Variants in PDE4D observed in about 807,000 individuals in gnomAD.
The protein encoded by PDE4D is phosphodiesterase 4D.
Under a neutral mutation model 87.4 loss-of-function variants are expected in PDE4D, and 24 were observed. The observed-to-expected ratio is 0.27, with a 90% CI of 0.20 to 0.39. The LOEUF is 0.39. Among genes scored for constraint, PDE4D ranks in the 10% least tolerant of loss-of-function variants. The probability of loss-of-function intolerance (pLI) is 1.00; values close to 1 mark genes in which losing one functional copy is unlikely to be tolerated. For synonymous variants in PDE4D, 384 were observed against 383.2 expected (o/e 1.00, Z -0.02); for missense variants, 714 against 1,041.0 (o/e 0.69, Z 4.32).
chr5:59,684,546 G>A (rs1024554586), intron 1 of PDE4D, among the ~76,000 whole-genome samples: 10 of 152,182 alleles, frequency 6.6e-5, no homozygotes, highest in African/African-American at 7.2e-5. Context: ...TGGGCATGAA[G>A]AATGAGTAAG....
chr5:59,609,857 C>T lies in PDE4D; in HGVS notation c.455+283311G>A, dbSNP rs535255047. Among the ~76,000 whole-genome samples, 8 of 152,230 alleles carry T rather than the reference C, an allele frequency of 5.3e-5. No homozygotes were observed. The South Asian group carries it at 8.3e-4, about 16-fold the overall frequency. On this transcript the variant is annotated intron_variant, in intron 1 of 14. Transcript: ENST00000340635. ...GTTCTTGGCAGATTGTGGTGACTGG[C>T]ATATGAACTCTCCTAATCATATCCC...
intron 5 of PDE4D, among the ~76,000 whole-genome samples, chr5:59,149,682 T>C (rs1381660247): frequency 6.7e-6 from 1 of 149,358 alleles, no homozygotes; most frequent in Non-Finnish European, 1.5e-5. Flanking sequence ...TAGAGTAACT[T>C]TGCCTTTCTC....
intron 6 of PDE4D, among the ~76,000 whole-genome samples, chr5:59,001,156 T>A (rs1288867614): frequency 6.6e-6 from 1 of 152,208 alleles, no homozygotes; most frequent in East Asian, 1.9e-4. Context: ...TGGTGTAGTA[T>A]TACCCTGTAA....
chr5:59,284,980 C>T (rs1297362139), intron 1 of PDE4D, among the ~76,000 whole-genome samples: 15 of 83,078 alleles, frequency 1.8e-4, no homozygotes, highest in African/African-American at 7.2e-4. Flanking sequence ...CCAAACACCG[C>T]ATATTCTCAC....
chr5:60,256,913 G>A (rs186640545), intron 1 of PDE4D, among the ~76,000 whole-genome samples: 344 of 151,604 alleles, frequency 2.3e-3, no homozygotes, highest in Non-Finnish European at 3.3e-3. Context: ...TTTCACATAC[G>A]TATATCTACA....
At chr5:60,324,075 C>G (rs2149848025) in intron 1 of PDE4D, among the ~76,000 whole-genome samples, 1 of 152,234 alleles carries the variant, frequency 6.6e-6, no homozygotes, top group East Asian at 1.9e-4. Context: ...TAAATAAGCT[C>G]TATAAGGGCA....
chr5:59,239,579 G>A (rs1166995813), intron 1 of PDE4D, among the ~76,000 whole-genome samples: 4 of 152,046 alleles, frequency 2.6e-5, no homozygotes, highest in African/African-American at 4.8e-5. Flanking sequence ...TTACTATGCC[G>A]GATAAAGCAA....
chr5:60,093,183 C>T (rs1018606799), intron 2 of PDE4D, among the ~76,000 whole-genome samples: 3 of 152,204 alleles, frequency 2.0e-5, no homozygotes, highest in Non-Finnish European at 4.4e-5. Context: ...ATGCATGAAG[C>T]ACATATTCTG....
chr5:59,553,680 G>T (rs1818463715), intron 1 of PDE4D, among the ~76,000 whole-genome samples: 1 of 152,058 alleles, frequency 6.6e-6, no homozygotes, highest in African/African-American at 2.4e-5. Context: ...TAAAATGAAT[G>T]CTTGGTGAGA....
At chr5:59,711,071 T>G (rs961454109) in intron 1 of PDE4D, among the ~76,000 whole-genome samples, 2 of 152,154 alleles carry the variant, frequency 1.3e-5, no homozygotes, top group Non-Finnish European at 2.9e-5. Flanking sequence ...TCTTCTCTAA[T>G]AGGACCTGCA....
At chr5:59,639,474 T>C (rs1741170017) in intron 1 of PDE4D, among the ~76,000 whole-genome samples, 1 of 151,916 alleles carries the variant, frequency 6.6e-6, no homozygotes, top group Non-Finnish European at 1.5e-5. Context: ...GAAGTGCAGA[T>C]GAGGGAGAGC....
intron 3 of PDE4D, among the ~76,000 whole-genome samples, chr5:59,905,557 A>G (rs1752723544): frequency 6.6e-6 from 1 of 152,036 alleles, no homozygotes; most frequent in African/African-American, 2.4e-5. Context: ...CAGCTCCAAG[A>G]CTTTCTAGAT....
chr5:59,290,792 AAG>A (rs1261569369), intron 1 of PDE4D, among the ~76,000 whole-genome samples: 3 of 152,140 alleles, frequency 2.0e-5, no homozygotes, highest in Non-Finnish European at 4.4e-5. Flanking sequence ...CATTTCTCAA[AAG>A]AAGACATAAA....
chr5:59,024,737 A>G (rs1755887583), intron 6 of PDE4D, among the ~76,000 whole-genome samples: 1 of 152,210 alleles, frequency 6.6e-6, no homozygotes, highest in South Asian at 2.1e-4. Context: ...TTCTAGTAGA[A>G]GATTCCTTAT....
chr5:59,302,777 T>A (rs1770525427), intron 1 of PDE4D, among the ~76,000 whole-genome samples: 2 of 152,214 alleles, frequency 1.3e-5, no homozygotes, highest in Non-Finnish European at 2.9e-5. Flanking sequence ...CTTTATCCAC[T>A]TATTGACTGA....
chr5:59,240,025 T>G (rs1291434356), intron 1 of PDE4D, among the ~76,000 whole-genome samples: 2 of 152,168 alleles, frequency 1.3e-5, no homozygotes, highest in Non-Finnish European at 2.9e-5. Flanking sequence ...AATAAGATGG[T>G]CTTAATTTTA....
At chr5:60,156,741 T>C (rs149555825) in intron 2 of PDE4D, among the ~76,000 whole-genome samples, 1 of 152,160 alleles carries the variant, frequency 6.6e-6, no homozygotes, top group Non-Finnish European at 1.5e-5. Flanking sequence ...ATTTTTTCTA[T>C]GTATGCTTTT....
At chr5:58,991,567 G>GC (rs1747918824) in intron 8 of PDE4D, among the ~76,000 whole-genome samples, 1 of 152,010 alleles carries the variant, frequency 6.6e-6, no homozygotes, top group Non-Finnish European at 1.5e-5. Context: ...CTAAAACCCA[G>GC]AAGACATGAC....
chr5:60,392,019 C>A (rs552962255), intron 1 of PDE4D, among the ~76,000 whole-genome samples: 1 of 152,068 alleles, frequency 6.6e-6, no homozygotes, highest in Non-Finnish European at 1.5e-5. Context: ...AACTCAATCA[C>A]AATTACTGAG....
Sources: gnomAD v4.1 joint callset for allele counts (sites outside exome capture counted in the v4.1 genomes callset) on GRCh38, gnomAD v4.1.1 for gene constraint, MANE v1.5 for transcripts, NCBI Gene and HGNC (gene_info 2026-07-23, HGNC 2026-07-21) for gene names.